TAX1BP1: variants seen among roughly 807,000 people sequenced by gnomAD.
The protein encoded by TAX1BP1 is Tax1 binding protein 1, also known as tax1-binding protein 1.
A neutral mutation model predicts 97.7 loss-of-function variants in TAX1BP1; 62 were observed. The observed-to-expected ratio is 0.63, with a 90% CI of 0.52 to 0.78. The LOEUF is 0.78. Ranked by LOEUF, TAX1BP1 falls within the 30% of genes least tolerant of loss-of-function variation. The pLI is 0.00. For missense variants in TAX1BP1, 867 were observed against 916.1 expected (o/e 0.95, Z 0.69); for synonymous variants, 340 against 304.2 (o/e 1.12, Z -1.23).
rs1047087477 is a variant in TAX1BP1 at position 27,819,786 on chromosome 7, T to C, written c.2085+2748T>C. ...AAAAATTGTAAGTCTAACCATTGTA[T>C]GTTGGAGACCAACTCTAATGAATAT... On this transcript the variant is annotated intron_variant, in intron 15 of 16. Transcript: ENST00000396319. 7.7e-4 allele frequency among the ~76,000 whole-genome samples: 118 copies of C among 152,262 alleles called. 7 individuals carry two copies. The highest frequency in any genetic ancestry group is 4.4e-5 in the Non-Finnish European group (3 of 68,046).
In TAX1BP1 at chr7:27,795,406, G is replaced by A. The variant is rs146752031; in HGVS notation, c.1535-710G>A. Among the ~76,000 whole-genome samples, 17 of 152,254 alleles carry A rather than the reference G, an allele frequency of 1.1e-4. No homozygotes were observed. The East Asian group carries it at 2.7e-3, about 24-fold the overall frequency. On this transcript the variant is annotated intron_variant, in intron 11 of 16. Coordinates refer to ENST00000396319, the MANE Select transcript of TAX1BP1 (RefSeq NM_006024.7). ...GAGGATCACTTGAGCTCAAGAGTTT[G>A]AGGCTAGCCTGGGCAACATAGTGAG...
intron 15 of TAX1BP1, among the ~76,000 whole-genome samples, chr7:27,819,701 C>T (rs1242108078): frequency 6.6e-6 from 1 of 152,090 alleles, no homozygotes; most frequent in African/African-American, 2.4e-5. Context: ...TGGAACGTAA[C>T]CCCATCATAA....
At chr7:27,809,754 TTGCTTGACTGTACCAA>T (rs1162689670) in intron 13 of TAX1BP1, among the ~76,000 whole-genome samples, 1 of 152,202 alleles carries the variant, frequency 6.6e-6, no homozygotes, top group African/African-American at 2.4e-5. Flanking sequence ...CTCTATAAAG[TTGCTTGACTGTACCAA>T]TGCAGCCTAA....
chr7:27,740,797 C>T (rs1412332840), intron 1 of TAX1BP1, among the ~76,000 whole-genome samples: 1 of 152,148 alleles, frequency 6.6e-6, no homozygotes, highest in African/African-American at 2.4e-5. Context: ...GCGAAGGGGG[C>T]GGAGACTCCC....
chr7:27,828,906 G>A lies in TAX1BP1; in HGVS notation c.*77G>A, dbSNP rs1488682895. ...ACCACACCTAAAATAGACCACTGAG[G>A]AGACCATAGAGCGGATGCTTTCATG... On this transcript the variant is annotated 3_prime_UTR_variant, in exon 17 of 17. Coordinates refer to ENST00000396319, the MANE Select transcript of TAX1BP1 (RefSeq NM_006024.7). The A allele has an allele frequency of 1.6e-6, 2 of 1,222,728 alleles. No individual in the cohort carries two copies. Among genetic ancestry groups the A allele is most frequent in the Non-Finnish European group, 2.3e-6 (2 of 878,792 alleles). 75.7% of individuals were successfully genotyped at this position (1,222,728 alleles called of 1,614,324 possible).
chr7:27,759,957 G>T (rs989359702), intron 3 of TAX1BP1, among the ~76,000 whole-genome samples: 1 of 151,314 alleles, frequency 6.6e-6, no homozygotes, highest in Non-Finnish European at 1.5e-5. Context: ...GGGTTCAAGC[G>T]ATTCTTGTGC....
At chr7:27,809,330 C>T (rs1418653201) in intron 13 of TAX1BP1, among the ~76,000 whole-genome samples, 4 of 152,158 alleles carry the variant, frequency 2.6e-5, no homozygotes, top group African/African-American at 9.7e-5. Flanking sequence ...TGTAGGTGGC[C>T]AAGTTACAGG....
At position 27,790,492 on chromosome 7, in the gene TAX1BP1, C is replaced by T. The variant is rs1447553706; in HGVS notation, c.1039-1514C>T. On this transcript the variant is annotated intron_variant, in intron 8 of 16. Transcript: ENST00000396319. ...AATGTTCTATTGATTTTTTTATTCC[C>T]ACCAAGAGTATATGAGATATGTATT... Among the ~76,000 whole-genome samples the T allele has an allele frequency of 2.7e-5, 4 of 150,918 alleles. No individual in the cohort carries two copies. The East Asian group carries it at 5.8e-4, about 22-fold the overall frequency.
intron 3 of TAX1BP1, among the ~76,000 whole-genome samples, chr7:27,764,599 T>G (rs1489540771): frequency 6.6e-6 from 1 of 152,190 alleles, no homozygotes; most frequent in African/African-American, 2.4e-5. Context: ...CCCTTGTAAT[T>G]AATGAATATT....
At chr7:27,769,079 A>G (rs1788747880) in intron 4 of TAX1BP1, among the ~76,000 whole-genome samples, 1 of 151,790 alleles carries the variant, frequency 6.6e-6, no homozygotes, top group Non-Finnish European at 1.5e-5. Flanking sequence ...TATATTGTTA[A>G]TATGTTGTTA....
At chr7:27,804,509 AC>A (rs1562734252) in intron 13 of TAX1BP1, among the ~76,000 whole-genome samples, 1 of 152,104 alleles carries the variant, frequency 6.6e-6, no homozygotes, top group African/African-American at 2.4e-5. Context: ...GTTAGCATAG[AC>A]CCCTCAGGTT....
At chr7:27,821,484 A>T (rs545355995) in intron 15 of TAX1BP1, among the ~76,000 whole-genome samples, 15 of 151,896 alleles carry the variant, frequency 9.9e-5, no homozygotes, top group African/African-American at 2.9e-4. Flanking sequence ...TACAAAAAAA[A>T]TTTATCTGGG....
chr7:27,828,826 CTAGT>C lies in TAX1BP1; in HGVS notation c.2370_*3del, dbSNP rs1267246246. 2.1e-5 allele frequency: 31 copies of C among 1,467,818 alleles called. No individual in the cohort carries two copies. The highest frequency in any genetic ancestry group is 2.9e-5 in the Non-Finnish European group (31 of 1,066,060). 90.9% of individuals were successfully genotyped at this position (1,467,818 alleles called of 1,614,324 possible). A position where few individuals can be genotyped will look rare whatever the true frequency, so the allele number is the denominator to read the frequency against. ...TTGATCAGAATGTTCTAAATTTTGA[CTAGT>C]TACTTTTTATTATGAGTTAATATAG... On this transcript the variant is annotated stop_lost and 3_prime_UTR_variant, in exon 17 of 17. Coordinates refer to ENST00000396319, the MANE Select transcript of TAX1BP1 (RefSeq NM_006024.7).
chr7:27,766,598 C>T (rs948958839), intron 4 of TAX1BP1, among the ~76,000 whole-genome samples: 2 of 151,948 alleles, frequency 1.3e-5, no homozygotes, highest in African/African-American at 4.8e-5. Context: ...CCTTATTTTG[C>T]GCATAGTGGA....
chr7:27,802,337 GAT>G (rs1373475234), intron 13 of TAX1BP1, among the ~76,000 whole-genome samples: 2 of 152,198 alleles, frequency 1.3e-5, no homozygotes, highest in African/African-American at 4.8e-5. Context: ...AGAATGAATT[GAT>G]AAAGACCACC....
chr7:27,825,077 A>C (rs1159660888), intron 15 of TAX1BP1, among the ~76,000 whole-genome samples: 1 of 152,146 alleles, frequency 6.6e-6, no homozygotes, highest in Non-Finnish European at 1.5e-5. Flanking sequence ...CTTTCATTTA[A>C]TATAACCTTG....
At chr7:27,751,082 C>G (rs979847943) in intron 2 of TAX1BP1, among the ~76,000 whole-genome samples, 2 of 152,066 alleles carry the variant, frequency 1.3e-5, no homozygotes, top group Non-Finnish European at 2.9e-5. Flanking sequence ...ATTTTATTTC[C>G]AGCTTCAGTT....
At chr7:27,742,751 C>G (rs553122595) in intron 1 of TAX1BP1, among the ~76,000 whole-genome samples, 137 of 152,164 alleles carry the variant, frequency 9.0e-4, no homozygotes, top group Non-Finnish European at 1.6e-3. Flanking sequence ...CAGGTGTGAG[C>G]CACCGCACCC....
intron 13 of TAX1BP1, chr7:27,803,159 G>T (rs1298109968): frequency 6.5e-7 from 1 of 1,547,492 alleles, no homozygotes. Context: ...TTTCACATTT[G>T]GAAAACCTCT....
Sources: gnomAD v4.1 joint callset for allele counts (sites outside exome capture counted in the v4.1 genomes callset) on GRCh38, gnomAD v4.1.1 for gene constraint, MANE v1.5 for transcripts, NCBI Gene and HGNC (gene_info 2026-07-23, HGNC 2026-07-21) for gene names.